ATG7: variants seen among roughly 807,000 people sequenced by gnomAD.
ATG7 encodes ubiquitin-like modifier-activating enzyme ATG7.
In ATG7, 70 loss-of-function variants were observed where a neutral mutation model predicts 82.4. The observed-to-expected ratio is 0.85, with a 90% CI of 0.70 to 1.04. The LOEUF (loss-of-function observed/expected upper bound fraction) is 1.04. ATG7 is among the 50% of genes least tolerant of loss of function. The pLI is 0.00. For synonymous variants in ATG7, 287 were observed against 313.0 expected (o/e 0.92, Z 0.88); for missense variants, 792 against 864.3 (o/e 0.92, Z 1.05).
chr3:11,379,927 T>G, intron 18 of ATG7, 45 bp from the exon 19 acceptor site: 1 of 1,572,456 alleles, frequency 6.4e-7, no homozygotes, highest in African/African-American at 1.4e-5. Flanking sequence ...ATAGATGTGG[T>G]CGTTGTGTGT....
chr3:11,359,082 ATATT>A (rs1426705908), intron 15 of ATG7, among the ~76,000 whole-genome samples: 4 of 152,188 alleles, frequency 2.6e-5, no homozygotes, highest in African/African-American at 9.6e-5. Flanking sequence ...AATATTGTAT[ATATT>A]TTATACCAAT....
rs2072264124 is a variant in ATG7 at position 11,554,955 on chromosome 3, C to A, written c.*112C>A. 2 of 1,372,030 alleles carry A rather than the reference C, an allele frequency of 1.5e-6. No individual in the cohort carries two copies. Among genetic ancestry groups the A allele is most frequent in the Non-Finnish European group, 2.0e-6 (2 of 1,018,964 alleles). The allele number at this position is 1,372,030 out of a possible 1,614,324, so 85.0% of individuals were successfully genotyped here. On this transcript the variant is annotated 3_prime_UTR_variant, in exon 21 of 21. Coordinates refer to ENST00000693202, the MANE Select transcript of ATG7 (RefSeq NM_001349232.2). The stretch of plus-strand genomic sequence containing the variant: ...GGTGATTCTGGGCCCCTCCTCCATA[C>A]CCCGAGGTCTGGGATTCCCCCCTCT...
intron 9 of ATG7, among the ~76,000 whole-genome samples, chr3:11,323,721 A>AC (rs1439135639): frequency 6.6e-6 from 1 of 152,242 alleles, no homozygotes; most frequent in Non-Finnish European, 1.5e-5. Flanking sequence ...AGCAATAGCC[A>AC]AGGAGCAACA....
chr3:11,465,130 G>A (rs1018767658), intron 20 of ATG7, among the ~76,000 whole-genome samples: 3 of 150,720 alleles, frequency 2.0e-5, no homozygotes, highest in Non-Finnish European at 2.9e-5. Flanking sequence ...CACCTCCAGA[G>A]AGTTCTAGAG....
intron 20 of ATG7, among the ~76,000 whole-genome samples, chr3:11,490,354 C>T (rs1031810184): frequency 2.6e-5 from 4 of 152,138 alleles, no homozygotes; most frequent in African/African-American, 9.7e-5. Flanking sequence ...TTATTTTGAG[C>T]CTATGTGTGT....
intron 19 of ATG7, among the ~76,000 whole-genome samples, chr3:11,385,090 C>T (rs563064660): frequency 9.2e-5 from 14 of 152,282 alleles, no homozygotes; most frequent in East Asian, 5.8e-4. Context: ...AGTGCAGTGG[C>T]GTGATCTCAG....
intron 19 of ATG7, among the ~76,000 whole-genome samples, chr3:11,388,620 G>A (rs1421439929): frequency 6.6e-6 from 1 of 152,008 alleles, no homozygotes; most frequent in Non-Finnish European, 1.5e-5. Context: ...AGTAGAGACA[G>A]GGTTTCACCG....
intron 3 of ATG7, among the ~76,000 whole-genome samples, chr3:11,294,430 G>T (rs929263413): frequency 1.3e-5 from 2 of 151,756 alleles, no homozygotes; most frequent in Non-Finnish European, 2.9e-5. Context: ...CACCATATTG[G>T]CTAGGCTGGT....
chr3:11,465,967 C>T (rs995174673), intron 20 of ATG7, among the ~76,000 whole-genome samples: 2 of 152,162 alleles, frequency 1.3e-5, no homozygotes, highest in Admixed American at 1.3e-4. Flanking sequence ...AAAGTTGGTA[C>T]ATTCTTTTCA....
At chr3:11,319,399 A>G (rs1949902699) in intron 9 of ATG7, among the ~76,000 whole-genome samples, 1 of 152,100 alleles carries the variant, frequency 6.6e-6, no homozygotes, top group Non-Finnish European at 1.5e-5. Context: ...TCCTCCTACC[A>G]GCACTTTGTT....
intron 11 of ATG7, among the ~76,000 whole-genome samples, chr3:11,338,835 G>A (rs973255474): frequency 3.3e-5 from 5 of 152,140 alleles, no homozygotes; most frequent in Non-Finnish European, 4.4e-5. Flanking sequence ...CTCATTGACC[G>A]TCCTATCCCA....
intron 20 of ATG7, among the ~76,000 whole-genome samples, chr3:11,540,907 T>TGGCGGGG (rs1478475481): frequency 2.9e-5 from 1 of 35,004 alleles, no homozygotes; most frequent in African/African-American, 7.8e-5. Flanking sequence ...TAGCTTTTTT[T>TGGCGGGG]GGGGGGGGGA....
intron 20 of ATG7, among the ~76,000 whole-genome samples, chr3:11,504,383 C>CTA (rs1242425970): frequency 6.6e-6 from 1 of 152,176 alleles, no homozygotes; most frequent in African/African-American, 2.4e-5. Flanking sequence ...CCTAGTCACC[C>CTA]TATGCAAACC....
At chr3:11,343,196 T>C (rs1000671533) in intron 13 of ATG7, among the ~76,000 whole-genome samples, 7 of 152,234 alleles carry the variant, frequency 4.6e-5, no homozygotes, top group Admixed American at 1.3e-4. Flanking sequence ...CCCAAAGTGC[T>C]GGGTTTACAG....
At chr3:11,441,522 G>A (rs375088586) in intron 20 of ATG7, among the ~76,000 whole-genome samples, 6 of 152,126 alleles carry the variant, frequency 3.9e-5, no homozygotes, top group African/African-American at 1.2e-4. Flanking sequence ...GATTACAGGC[G>A]TGAGTCACCG....
intron 9 of ATG7, among the ~76,000 whole-genome samples, chr3:11,325,771 T>C (rs965395837): frequency 3.3e-5 from 5 of 152,108 alleles, no homozygotes; most frequent in African/African-American, 7.2e-5. Context: ...ATCCAGAATG[T>C]TTGATTAAGG....
chr3:11,543,865 C>G (rs1230813899), intron 20 of ATG7, among the ~76,000 whole-genome samples: 1 of 152,172 alleles, frequency 6.6e-6, no homozygotes, highest in Non-Finnish European at 1.5e-5. Context: ...CCCATTTCAT[C>G]TCTGCTGAAG....
Position 11,405,820 on chromosome 3 carries a change from G to A in ATG7, c.1957-20984G>A, listed in dbSNP as rs543687270. 1.5e-4 allele frequency among the ~76,000 whole-genome samples: 23 copies of A among 151,872 alleles called. No individual in the cohort carries two copies. The South Asian group carries it at 3.5e-3, about 23-fold the overall frequency. ...TTTTTTGTAGAGATGGGGTTTCGCTGTGTTTCCCAGGCTGGTCCTAAACTT... is the reference window on the plus strand; with the variant it reads ...TTTTTTGTAGAGATGGGGTTTCGCTATGTTTCCCAGGCTGGTCCTAAACTT... On this transcript the variant is annotated intron_variant, in intron 19 of 20. Transcript: ENST00000693202.
At chr3:11,477,809 T>A (rs1201506461) in intron 20 of ATG7, among the ~76,000 whole-genome samples, 3 of 152,218 alleles carry the variant, frequency 2.0e-5, no homozygotes, top group Non-Finnish European at 1.5e-5. Flanking sequence ...TCTCTGTCCA[T>A]GTCTCAGCTG....
Sources: gnomAD v4.1 joint callset for allele counts (sites outside exome capture counted in the v4.1 genomes callset) on GRCh38, gnomAD v4.1.1 for gene constraint, MANE v1.5 for transcripts, NCBI Gene and HGNC (gene_info 2026-07-23, HGNC 2026-07-21) for gene names.